M1AP: variants seen among roughly 807,000 people sequenced by gnomAD.
M1AP encodes meiosis 1 arrest protein.
Under a neutral mutation model 51.2 loss-of-function variants are expected in M1AP, and 39 were observed. That is an observed-to-expected ratio of 0.76 (90% CI 0.59 to 1.00). The LOEUF is 1.00. M1AP is among the 50% of genes least tolerant of loss of function. M1AP has a pLI of 0.00. For synonymous variants in M1AP, 251 were observed against 249.2 expected, an observed-to-expected ratio of 1.01 and a Z score of -0.07; for missense variants, 545 against 641.2, an observed-to-expected ratio of 0.85 and a Z score of 1.62.
intron 3 of M1AP, 23 bp downstream of exon 3, chr2:74,614,941 T>G: frequency 6.2e-7 from 1 of 1,608,584 alleles, no homozygotes. Context: ...CAGCTTGGAG[T>G]CCTAAAGGCC....
chr2:74,576,767 G>A (rs887578675), intron 5 of M1AP, 149 bp from the exon 6 acceptor site: 1 of 1,208,954 alleles, frequency 8.3e-7, no homozygotes, highest in Non-Finnish European at 1.1e-6. Context: ...GGAGGCAGGA[G>A]AGTGGAAAGA....
At chr2:74,582,072 A>G (rs1400497534) in intron 4 of M1AP, among the ~76,000 whole-genome samples, 1 of 152,146 alleles carries the variant, frequency 6.6e-6, no homozygotes, top group East Asian at 1.9e-4. Context: ...TGGGACTACA[A>G]GCACTCACCA....
chr2:74,619,035 A>T (rs1573157198), intron 2 of M1AP: 3 of 493,616 alleles, frequency 6.1e-6, no homozygotes, highest in South Asian at 4.5e-5. Context: ...CATCGGCAGG[A>T]AAAAGGTAAA....
chr2:74,560,352 A>C, intron 8 of M1AP, 61 bp from the exon 9 acceptor site: 135 of 1,507,128 alleles, frequency 9.0e-5, no homozygotes, highest in Non-Finnish European at 1.1e-4. Context: ...ACAAGATGTC[A>C]GGTAGCGATC....
chr2:74,622,543 CTTT>C (rs534273779), intron 2 of M1AP, among the ~76,000 whole-genome samples: 1 of 117,292 alleles, frequency 8.5e-6, no homozygotes, highest in Non-Finnish European at 1.8e-5. Context: ...CCATTGCCTG[CTTT>C]TTTTTTTTTT....
chr2:74,574,972 A>G (rs546181454), intron 7 of M1AP, among the ~76,000 whole-genome samples: 1 of 152,354 alleles, frequency 6.6e-6, no homozygotes, highest in Non-Finnish European at 1.5e-5. Flanking sequence ...ATAATTAAGA[A>G]TATATACATT....
At chr2:74,571,761 C>CT (rs1678754597) in intron 7 of M1AP, among the ~76,000 whole-genome samples, 1 of 151,838 alleles carries the variant, frequency 6.6e-6, no homozygotes, top group Non-Finnish European at 1.5e-5. Context: ...CTTTGGGAGG[C>CT]TGAGGTGGGC....
At chr2:74,614,323 T>G (rs544327187) in intron 3 of M1AP, among the ~76,000 whole-genome samples, 1 of 152,336 alleles carries the variant, frequency 6.6e-6, no homozygotes, top group Admixed American at 6.5e-5. Flanking sequence ...GTTGTTAGGA[T>G]GGAGTGGCAA....
intron 3 of M1AP, among the ~76,000 whole-genome samples, chr2:74,609,287 C>A (rs1681195187): frequency 6.6e-6 from 1 of 152,180 alleles, no homozygotes; most frequent in South Asian, 2.1e-4. Flanking sequence ...TTAGATTCCA[C>A]AAATGAGTGA....
Position 74,640,205 on chromosome 2 carries a change from A to G in M1AP, c.71T>C (p.Leu24Pro). The G allele has an allele frequency of 6.2e-7, 1 of 1,614,140 alleles. No individual in the cohort carries two copies. Among genetic ancestry groups the G allele is most frequent in the Non-Finnish European group, 8.5e-7 (1 of 1,180,014 alleles). Residue 24 changes from leucine (L) to proline (P), a missense_variant, in exon 2 of 11, where the codon CTT becomes CCT. Transcript: ENST00000421985. Reference protein sequence around the residue: ...HTQIDQQPPRLLIVHIALPSW... With the variant: ...HTQIDQQPPRPLIVHIALPSW... ...CGGTAGAGCAATGTGCACAATGAGA[A>G]GCCGTGGAGGTTGCTGGTCAATCTG... is the stretch of plus-strand genomic sequence containing the variant.
rs1679073745 is a variant in M1AP at position 74,576,463 on chromosome 2, C to T, written c.925G>A (p.Val309Met). 6.2e-7 allele frequency: 1 copy of T among 1,613,634 alleles called. No homozygotes were observed. Among genetic ancestry groups the T allele is most frequent in the Admixed American group, 1.7e-5 (1 of 60,014 alleles). Residue 309 changes from valine to methionine, a missense_variant, in exon 6 of 11, where the codon GTG becomes ATG. By Grantham distance (21) the Val-to-Met change is conservative (BLOSUM62 1). Transcript: ENST00000421985. ...QSSASHYKLQ[V>M]IKALKSSGLC... ...GGTTCCCTTGGACCATACTTGATCACTTGGAGCTTGTAATGAGAGGCCGAT... is the reference window on the plus strand; with the variant it reads ...GGTTCCCTTGGACCATACTTGATCATTTGGAGCTTGTAATGAGAGGCCGAT...
chr2:74,581,594 C>T (rs1679406757), intron 5 of M1AP, 80 bp downstream of exon 5: 1 of 1,401,670 alleles, frequency 7.1e-7, no homozygotes, highest in Non-Finnish European at 9.9e-7. Context: ...ATGCTATATT[C>T]CACTGACTCA....
At chr2:74,642,564 G>A (rs560272748) in intron 1 of M1AP, among the ~76,000 whole-genome samples, 1 of 152,298 alleles carries the variant, frequency 6.6e-6, no homozygotes, top group South Asian at 2.1e-4. Context: ...AAGACAAGGA[G>A]CATGCTATCA....
intron 4 of M1AP, among the ~76,000 whole-genome samples, chr2:74,588,080 T>C (rs2104617729): frequency 6.6e-6 from 1 of 152,266 alleles, no homozygotes; most frequent in South Asian, 2.1e-4. Context: ...GAAAAGGTGC[T>C]CTTGCCCAGT....
At chr2:74,613,630 C>T (rs761353258) in intron 3 of M1AP, among the ~76,000 whole-genome samples, 6 of 152,148 alleles carry the variant, frequency 3.9e-5, no homozygotes, top group Admixed American at 1.3e-4. Context: ...GATAAAATCC[C>T]AGGAGGTTAA....
intron 7 of M1AP, among the ~76,000 whole-genome samples, chr2:74,570,212 G>A (rs1012591626): frequency 1.3e-5 from 2 of 151,926 alleles, no homozygotes; most frequent in African/African-American, 4.8e-5. Context: ...TCACACAGTC[G>A]GGAAATAAAA....
intron 3 of M1AP, among the ~76,000 whole-genome samples, chr2:74,610,301 A>G (rs1681259955): frequency 6.6e-6 from 1 of 151,862 alleles, no homozygotes; most frequent in South Asian, 2.1e-4. Flanking sequence ...GAGCCACTGC[A>G]CCTGGCCCAC....
intron 4 of M1AP, among the ~76,000 whole-genome samples, chr2:74,601,132 G>C (rs1247368413): frequency 6.6e-6 from 1 of 152,042 alleles, no homozygotes; most frequent in Non-Finnish European, 1.5e-5. Flanking sequence ...TTTTATAAAT[G>C]AGAAATTTGT....
chr2:74,621,078 C>T (rs1294707717), intron 2 of M1AP: 1 of 151,732 alleles, frequency 6.6e-6, no homozygotes, highest in Non-Finnish European at 1.5e-5. Context: ...AGATAGAGAC[C>T]ATCCTGGCTA....
Sources: gnomAD v4.1 joint callset for allele counts (sites outside exome capture counted in the v4.1 genomes callset) on GRCh38, gnomAD v4.1.1 for gene constraint, MANE v1.5 for transcripts, NCBI Gene and HGNC (gene_info 2026-07-23, HGNC 2026-07-21) for gene names.